The following HNF4G variants were observed in gnomAD, a reference collection of about 807,000 sequenced individuals.
The protein encoded by HNF4G is hepatocyte nuclear factor 4 gamma.
A neutral mutation model predicts 50.9 loss-of-function variants in HNF4G; 21 were observed. The ratio of observed to expected loss-of-function variants is 0.41; its 90% CI spans 0.29 to 0.59. The LOEUF (loss-of-function observed/expected upper bound fraction) is 0.59, where lower values mean the gene tolerates loss of function less well. HNF4G is among the 20% of genes least tolerant of loss of function. The pLI, the probability that HNF4G is intolerant of heterozygous loss-of-function variation, is 0.26. For synonymous variants in HNF4G, 198 were observed against 185.6 expected (o/e 1.07, Z -0.54); for missense variants, 527 against 559.4 (o/e 0.94, Z 0.58).
At chr8:75,532,391 A>G (rs983240221) in intron 2 of HNF4G, among the ~76,000 whole-genome samples, 6 of 152,104 alleles carry the variant, frequency 3.9e-5, no homozygotes, top group African/African-American at 1.2e-4. Context: ...CTCTTGTAGT[A>G]GTTCTAGATT....
chr8:75,558,655 G>A lies in HNF4G; in HGVS notation c.871G>A (p.Val291Ile). Residue 291 changes from valine to isoleucine, a missense_variant, in exon 7 of 10, where the codon GTA (valine) becomes ATA (isoleucine). Coordinates refer to ENST00000396423, the MANE Select transcript of HNF4G (RefSeq NM_004133.5). ...DNEYACLKAI[V>I]FFDPDAKGLS... Reference sequence around the variant, plus strand: ...TGAGTATGCTTGTTTAAAGGCAATTGTATTTTTTGATCCAGGTTGGTTTTC... The same window carrying A: ...TGAGTATGCTTGTTTAAAGGCAATTATATTTTTTGATCCAGGTTGGTTTTC... The A allele has an allele frequency of 1.2e-6, 2 of 1,612,430 alleles. No homozygotes were observed. Among genetic ancestry groups the A allele is most frequent in the Non-Finnish European group, 1.7e-6 (2 of 1,179,524 alleles).
Position 75,491,482 on chromosome 8 carries a change from T to A in HNF4G, c.-24+1274T>A, listed in dbSNP as rs189826910. ...CTATAATTCTTTTTCTTTTCTTTCC[T>A]TTTTTTTTTTAAGACAGGATCTGGC... On this transcript the variant is annotated intron_variant, in intron 2 of 10. Transcript: ENST00000354370. Among the ~76,000 whole-genome samples the A allele has an allele frequency of 2.1e-5, 3 of 142,876 alleles. No individual in the cohort carries two copies. The East Asian group carries it at 6.0e-4, about 28-fold the overall frequency. 93.7% of individuals were successfully genotyped at this position (142,876 alleles called of 152,430 possible). A position where few individuals can be genotyped will look rare whatever the true frequency, so the allele number is the denominator to read the frequency against.
intron 2 of HNF4G, among the ~76,000 whole-genome samples, chr8:75,525,971 A>C (rs1259060007): frequency 6.6e-6 from 1 of 152,268 alleles, no homozygotes; most frequent in East Asian, 1.9e-4. Context: ...ATTTTAAATA[A>C]AAATATTTAC....
chr8:75,432,476 T>G (rs1246957763), intron 1 of HNF4G, among the ~76,000 whole-genome samples: 1 of 151,992 alleles, frequency 6.6e-6, no homozygotes, highest in Non-Finnish European at 1.5e-5. Context: ...AATTTTTGTA[T>G]TTTTAGTAGA....
At chr8:75,441,308 C>G (rs2130547090) in intron 1 of HNF4G, among the ~76,000 whole-genome samples, 1 of 151,260 alleles carries the variant, frequency 6.6e-6, no homozygotes, top group Admixed American at 6.6e-5. Context: ...TGCAATGGCA[C>G]AGTCTCTGCA....
intron 2 of HNF4G, among the ~76,000 whole-genome samples, chr8:75,512,474 T>C (rs1191316626): frequency 6.7e-6 from 1 of 150,288 alleles, no homozygotes; most frequent in African/African-American, 2.4e-5. Flanking sequence ...ATTATTATTG[T>C]TATTATTTGA....
Position 75,546,971 on chromosome 8 carries a change from T to C in HNF4G, c.288-616T>C, listed in dbSNP as rs138229307. On this transcript the variant is annotated intron_variant, in intron 2 of 9. Coordinates refer to ENST00000396423, the MANE Select transcript of HNF4G (RefSeq NM_004133.5). The stretch of plus-strand genomic sequence containing the variant: ...ACTGTCTTCCAAAGCAGCTGCATCA[T>C]TTAACATTTTAACCAGCAGTGTATG... 3.9e-5 allele frequency among the ~76,000 whole-genome samples: 6 copies of C among 152,274 alleles called. No homozygotes were observed. In the East Asian group the frequency reaches 1.2e-3, roughly 29 times the overall value.
chr8:75,504,546 C>T (rs533941318), intron 2 of HNF4G, among the ~76,000 whole-genome samples: 27 of 152,124 alleles, frequency 1.8e-4, no homozygotes, highest in African/African-American at 6.3e-4. Context: ...ATTTACATTG[C>T]TGTTAGCGTT....
intron 2 of HNF4G, among the ~76,000 whole-genome samples, chr8:75,523,847 T>C (rs1806112032): frequency 6.6e-6 from 1 of 152,024 alleles, no homozygotes; most frequent in African/African-American, 2.4e-5. Context: ...TCTATATTTT[T>C]ATAGAAGTAT....
rs371792508 is a variant in HNF4G at position 75,558,789 on chromosome 8, T to A, written c.887-12T>A. On this transcript the variant is annotated splice_polypyrimidine_tract_variant and intron_variant, in intron 7 of 9. Transcript: ENST00000396423. ...TTAAATCTGTACACTGCCTCTCTTA[T>A]TCCTTTGTTAGATGCAAAAGGGCTA... The A allele has an allele frequency of 1.2e-6, 2 of 1,606,628 alleles. No individual in the cohort carries two copies. Among genetic ancestry groups the A allele is most frequent in the Non-Finnish European group, 1.7e-6 (2 of 1,173,170 alleles).
intron 1 of HNF4G, among the ~76,000 whole-genome samples, chr8:75,433,741 G>A (rs201470580): frequency 8.3e-4 from 126 of 151,992 alleles, no homozygotes; most frequent in South Asian, 2.7e-3. Flanking sequence ...GTATAATGTC[G>A]AAATAAACTA....
intron 1 of HNF4G, among the ~76,000 whole-genome samples, chr8:75,410,977 G>T (rs1810486856): frequency 6.6e-6 from 1 of 152,122 alleles, no homozygotes; most frequent in Non-Finnish European, 1.5e-5. Flanking sequence ...TATGCACTAG[G>T]TACTATTGTA....
At chr8:75,492,645 T>C (rs766003567) in intron 2 of HNF4G, among the ~76,000 whole-genome samples, 1 of 152,198 alleles carries the variant, frequency 6.6e-6, no homozygotes, top group Admixed American at 6.5e-5. Flanking sequence ...TATCCTCATT[T>C]TGTAGAGAAG....
intron 2 of HNF4G, among the ~76,000 whole-genome samples, chr8:75,493,713 A>G (rs1191752222): frequency 6.6e-6 from 1 of 152,124 alleles, no homozygotes; most frequent in Non-Finnish European, 1.5e-5. Flanking sequence ...AGTGTTTTTT[A>G]CCTGTTTAAA....
At chr8:75,496,903 T>G (rs1355134548) in intron 2 of HNF4G, among the ~76,000 whole-genome samples, 1 of 152,090 alleles carries the variant, frequency 6.6e-6, no homozygotes, top group Admixed American at 6.5e-5. Context: ...ATGCAGTTTT[T>G]GGAAAAATGA....
rs1332369215 is a variant in HNF4G, at chr8:75,558,945, G to A, written c.1031G>A (p.Ser344Asn). Residue 344 changes from serine to asparagine, a missense_variant, in exon 8 of 10, where the codon AGC (serine) becomes AAC (asparagine). By Grantham distance (46) the Ser-to-Asn change is conservative. Coordinates refer to ENST00000396423, the MANE Select transcript of HNF4G (RefSeq NM_004133.5). ...CTTCTGCTCCTGCCCACACTGCAGA[G>A]CATCACGTGGCAAATGATTGAGCAA... ...ELLLLLPTLQ[S>N]ITWQMIEQIQ... 6.2e-7 allele frequency: 1 copy of A among 1,614,064 alleles called. No homozygotes were observed. Among genetic ancestry groups the A allele is most frequent in the East Asian group, 2.2e-5 (1 of 44,876 alleles).
intron 3 of HNF4G, among the ~76,000 whole-genome samples, chr8:75,548,584 C>A (rs1806858099): frequency 6.6e-6 from 1 of 152,076 alleles, no homozygotes; most frequent in Non-Finnish European, 1.5e-5. Context: ...TGATTATATT[C>A]TCCTACATTT....
intron 1 of HNF4G, among the ~76,000 whole-genome samples, chr8:75,434,175 TG>T: frequency 6.6e-6 from 1 of 152,052 alleles, no homozygotes; most frequent in East Asian, 1.9e-4. Context: ...GGCTAATTTT[TG>T]TATTTTTAGT....
At chr8:75,412,986 G>T (rs1484900092) in intron 1 of HNF4G, among the ~76,000 whole-genome samples, 1 of 152,014 alleles carries the variant, frequency 6.6e-6, no homozygotes, top group Non-Finnish European at 1.5e-5. Context: ...GTAGCCTGGA[G>T]ATATTTCAGG....
Sources: gnomAD v4.1 joint callset for allele counts (sites outside exome capture counted in the v4.1 genomes callset) on GRCh38, gnomAD v4.1.1 for gene constraint, MANE v1.5 for transcripts, NCBI Gene and HGNC (gene_info 2026-07-23, HGNC 2026-07-21) for gene names.